RNLS: variants seen among roughly 807,000 people sequenced by gnomAD.
RNLS encodes renalase.
In RNLS, 39 loss-of-function variants were observed where a neutral mutation model predicts 39.8. That is an observed-to-expected ratio of 0.98 (90% CI 0.76 to 1.28). RNLS has a LOEUF of 1.28. Among genes scored for constraint, RNLS ranks in the 50% most tolerant of loss-of-function variants. RNLS has a pLI of 0.00. For synonymous variants in RNLS, 147 were observed against 150.7 expected (o/e 0.98, Z 0.18); for missense variants, 410 against 413.3 (o/e 0.99, Z 0.07).
chr10:88,542,884 A>C (rs1848120713), intron 4 of RNLS, among the ~76,000 whole-genome samples: 1 of 152,178 alleles, frequency 6.6e-6, no homozygotes, highest in African/African-American at 2.4e-5. Flanking sequence ...AAAATGCTCC[A>C]GGTTCTCATG....
chr10:88,267,650 A>G, the RNLS span, among the ~76,000 whole-genome samples: 14,437 of 152,262 alleles, frequency 0.095, 918 homozygotes, highest in East Asian at 0.24. Context: ...CCACCAATAC[A>G]TACTTTAAGT....
the RNLS span, among the ~76,000 whole-genome samples, chr10:88,243,747 C>T: frequency 1.4e-4 from 22 of 152,334 alleles, no homozygotes; most frequent in African/African-American, 4.3e-4. Context: ...AGCTCTTTAA[C>T]GGACACTTCA....
chr10:88,408,994 A>T (rs1853479985), intron 4 of RNLS, among the ~76,000 whole-genome samples: 1 of 152,166 alleles, frequency 6.6e-6, no homozygotes, highest in Non-Finnish European at 1.5e-5. Context: ...AATTTAAATA[A>T]CTAGCAAAGT....
intron 4 of RNLS, among the ~76,000 whole-genome samples, chr10:88,417,850 T>C (rs920350576): frequency 2.6e-5 from 4 of 152,250 alleles, no homozygotes; most frequent in African/African-American, 9.6e-5. Context: ...TTATGCACTA[T>C]AGAAGCCTTC....
At chr10:88,262,114 G>A in the RNLS span, among the ~76,000 whole-genome samples, 8 of 152,242 alleles carry the variant, frequency 5.3e-5, no homozygotes, top group East Asian at 1.4e-3. Flanking sequence ...GGGGAATTGT[G>A]GGAAGTGATG....
At chr10:88,352,696 A>AGCATGAT (rs1347579513) in intron 5 of RNLS, among the ~76,000 whole-genome samples, 1 of 152,224 alleles carries the variant, frequency 6.6e-6, no homozygotes, top group Non-Finnish European at 1.5e-5. Context: ...CTTTGGTATC[A>AGCATGAT]GCATGATGCT....
intron 4 of RNLS, among the ~76,000 whole-genome samples, chr10:88,560,928 G>C (rs1304105950): frequency 7.1e-6 from 1 of 140,304 alleles, no homozygotes; most frequent in Non-Finnish European, 1.5e-5. Context: ...ATAGTTTGTA[G>C]ATGTTCAGAG....
intron 4 of RNLS, among the ~76,000 whole-genome samples, chr10:88,404,062 A>C (rs1022631120): frequency 6.6e-6 from 1 of 151,678 alleles, no homozygotes; most frequent in African/African-American, 2.4e-5. Context: ...AAAAAAGGAC[A>C]AAAAAAATGG....
intron 6 of RNLS, among the ~76,000 whole-genome samples, chr10:88,291,161 A>G (rs566220700): frequency 6.6e-6 from 1 of 152,300 alleles, no homozygotes; most frequent in Admixed American, 6.5e-5. Context: ...TAAATACTCT[A>G]CAGTTTCTCA....
At chr10:88,446,985 A>G (rs1842072040) in intron 4 of RNLS, among the ~76,000 whole-genome samples, 1 of 152,252 alleles carries the variant, frequency 6.6e-6, no homozygotes, top group South Asian at 2.1e-4. Flanking sequence ...AAAACTCTCA[A>G]TAAATTAGGT....
At chr10:88,525,964 A>C (rs376232103) in intron 4 of RNLS, among the ~76,000 whole-genome samples, 2 of 152,174 alleles carry the variant, frequency 1.3e-5, no homozygotes, top group East Asian at 3.9e-4. Context: ...AAACTGGCCG[A>C]ATGCCCACAG....
chr10:88,287,820 A>C (rs1843382517), intron 6 of RNLS, among the ~76,000 whole-genome samples: 1 of 151,998 alleles, frequency 6.6e-6, no homozygotes, highest in Admixed American at 6.6e-5. Flanking sequence ...AGAATAGCGG[A>C]AACTGCCAAC....
intron 5 of RNLS, among the ~76,000 whole-genome samples, chr10:88,332,952 C>T (rs1470185983): frequency 1.3e-5 from 2 of 152,156 alleles, no homozygotes; most frequent in East Asian, 1.9e-4. Flanking sequence ...CAACTCAGGT[C>T]TCTTTCTCCA....
chr10:88,283,564 G>A (rs1026893694), downstream of RNLS, among the ~76,000 whole-genome samples: 10 of 152,062 alleles, frequency 6.6e-5, no homozygotes, highest in African/African-American at 2.4e-4. Flanking sequence ...TATTTTAAGG[G>A]TAAATATGGT....
At chr10:88,365,195 G>C (rs1849966196) in intron 4 of RNLS, among the ~76,000 whole-genome samples, 1 of 151,854 alleles carries the variant, frequency 6.6e-6, no homozygotes, top group Non-Finnish European at 1.5e-5. Context: ...TGAGACTTCT[G>C]ACTGAAACAA....
At chr10:88,502,681 A>G (rs1227242428) in intron 4 of RNLS, among the ~76,000 whole-genome samples, 1 of 152,144 alleles carries the variant, frequency 6.6e-6, no homozygotes, top group Non-Finnish European at 1.5e-5. Context: ...GCACTGGGAC[A>G]TTTTATCATG....
chr10:88,238,022 C>T, the RNLS span, among the ~76,000 whole-genome samples: 1 of 152,182 alleles, frequency 6.6e-6, no homozygotes. Flanking sequence ...TTTTCTAAAA[C>T]ATGTCTAAAG....
chr10:88,241,888 T>C, the RNLS span, among the ~76,000 whole-genome samples: 1 of 152,192 alleles, frequency 6.6e-6, no homozygotes, highest in African/African-American at 2.4e-5. Context: ...AAATTCCACC[T>C]CAAGTTTTCC....
intron 4 of RNLS, among the ~76,000 whole-genome samples, chr10:88,462,805 T>C (rs1006305616): frequency 4.8e-5 from 7 of 146,014 alleles, no homozygotes; most frequent in African/African-American, 1.9e-4. Flanking sequence ...TCAAAGTAAA[T>C]GAAAATATTT....
Sources: allele counts gnomAD v4.1 joint callset (sites outside exome capture counted in the v4.1 genomes callset), GRCh38; gene constraint gnomAD v4.1.1; transcripts MANE v1.5; gene names NCBI Gene and HGNC (gene_info 2026-07-23, HGNC 2026-07-21).